The following PARD3B variants were observed in gnomAD, a reference collection of about 807,000 sequenced individuals.
PARD3B encodes par-3 family cell polarity regulator beta, also known as partitioning defective 3 homolog B.
Under a neutral mutation model 130.2 loss-of-function variants are expected in PARD3B, and 103 were observed. The ratio of observed to expected loss-of-function variants is 0.79; its 90% confidence interval spans 0.67 to 0.93. The LOEUF is 0.93. Ranked by LOEUF, PARD3B falls within the 40% of genes least tolerant of loss-of-function variation. The pLI, the probability that PARD3B is intolerant of heterozygous loss-of-function variation, is 0.00. For synonymous variants in PARD3B, 583 were observed against 553.2 expected, an observed-to-expected ratio of 1.05 and a Z score of -0.76; for missense variants, 1,609 against 1,499.2, an observed-to-expected ratio of 1.07 and a Z score of -1.21.
intron 16 of PARD3B, 85 bp downstream of exon 16, chr2:205,245,907 C>G: frequency 2.7e-6 from 3 of 1,113,630 alleles, no homozygotes; most frequent in East Asian, 2.4e-5. Context: ...CTGTTTCTAT[C>G]CACTAGTCAC....
intron 21 of PARD3B, among the ~76,000 whole-genome samples, chr2:205,552,806 G>C (rs73060157): frequency 7.8e-4 from 119 of 152,002 alleles, no homozygotes; most frequent in African/African-American, 2.7e-3. Flanking sequence ...TGGGATCCAG[G>C]GACAGAAAAA....
intron 1 of PARD3B, among the ~76,000 whole-genome samples, chr2:204,618,092 C>T (rs1181262152): frequency 6.6e-6 from 1 of 152,200 alleles, no homozygotes; most frequent in Non-Finnish European, 1.5e-5. Flanking sequence ...GTTATTTCTT[C>T]CAATGCCCAT....
At position 205,238,847 on chromosome 2, in the gene PARD3B, A is replaced by ATAT. The variant is rs1396676339; in HGVS notation, c.2141-6931_2141-6930insTAT. 3.0e-4 allele frequency among the ~76,000 whole-genome samples: 22 copies of ATAT among 73,572 alleles called. No homozygotes were observed. The South Asian group carries it at 3.1e-3, about 10-fold the overall frequency. 48.3% of individuals were successfully genotyped at this position (73,572 alleles called of 152,430 possible). A position where few individuals can be genotyped will look rare whatever the true frequency, so the allele number is the denominator to read the frequency against. ...AAAAACTCCGTTTCAAAAAAAAAAA[A>ATAT]AAATATATATATATATATATATATA... On this transcript the variant is annotated intron_variant, in intron 15 of 22. Transcript: ENST00000406610.
At position 204,635,769 on chromosome 2, in the gene PARD3B, C is replaced by T. The variant is rs148931607; in HGVS notation, c.121-50412C>T. Among the ~76,000 whole-genome samples the T allele has an allele frequency of 3.7e-3, 561 of 152,222 alleles. 2 individuals carry two copies. The highest frequency in any genetic ancestry group is 0.013 in the African/African-American group (536 of 41,518). On this transcript the variant is annotated intron_variant, in intron 1 of 22. Coordinates refer to ENST00000406610, the MANE Select transcript of PARD3B (RefSeq NM_001302769.2). Reference sequence around the variant, plus strand: ...GTAAAATGGGGATAATAATAATCTACCTCTCAAGCTTTGTATGGAAGATAA... The same window carrying T: ...GTAAAATGGGGATAATAATAATCTATCTCTCAAGCTTTGTATGGAAGATAA...
At chr2:205,389,134 A>T (rs1056252809) in intron 18 of PARD3B, among the ~76,000 whole-genome samples, 2 of 151,598 alleles carry the variant, frequency 1.3e-5, no homozygotes, top group African/African-American at 2.4e-5. Context: ...CAGGATATAA[A>T]TTTTTTTTTC....
At chr2:205,322,881 T>C (rs1467328733) in intron 18 of PARD3B, among the ~76,000 whole-genome samples, 1 of 144,226 alleles carries the variant, frequency 6.9e-6, no homozygotes, top group Non-Finnish European at 1.5e-5. Context: ...ATATCATTAT[T>C]AACACCTCTT....
intron 16 of PARD3B, among the ~76,000 whole-genome samples, chr2:205,299,612 C>A (rs971317779): frequency 6.9e-5 from 6 of 86,860 alleles, no homozygotes; most frequent in African/African-American, 2.5e-4. Context: ...ATTTATATAA[C>A]CTAATCCTGT....
intron 2 of PARD3B, among the ~76,000 whole-genome samples, chr2:204,785,933 G>A (rs1270933167): frequency 6.6e-6 from 1 of 151,904 alleles, no homozygotes; most frequent in Non-Finnish European, 1.5e-5. Flanking sequence ...CCAACATGGT[G>A]AAACCCCCAT....
Position 204,952,996 on chromosome 2 carries a change from C to CAA in PARD3B, c.223-12143_223-12142dup, listed in dbSNP as rs5837946. ...TGGGCGACAGTGCGAGACTCAGTCT[C>CAA]AAAAAAAAAAAAAAGGTATATATAT... On this transcript the variant is annotated intron_variant, in intron 2 of 22. Transcript: ENST00000406610. Among the ~76,000 whole-genome samples, 1,990 of 103,464 alleles carry CAA rather than the reference C, an allele frequency of 0.019. 126 individuals are homozygous for CAA. In the East Asian group the frequency reaches 0.2, roughly 10 times the overall value. The allele number at this position is 103,464 out of a possible 152,430, so 67.9% of individuals were successfully genotyped here. A position where few individuals can be genotyped will look rare whatever the true frequency, so the allele number is the denominator to read the frequency against.
intron 22 of PARD3B, among the ~76,000 whole-genome samples, chr2:205,559,161 C>A (rs1000837344): frequency 1.4e-4 from 21 of 152,182 alleles, no homozygotes; most frequent in African/African-American, 4.8e-4. Context: ...CCAAGTGTTG[C>A]TGGATGGTCT....
At position 205,176,196 on chromosome 2, in the gene PARD3B, T is replaced by C. The variant is rs941345513; in HGVS notation, c.1792-249T>C. Among the ~76,000 whole-genome samples the C allele has an allele frequency of 1.3e-5, 2 of 152,170 alleles. No individual in the cohort carries two copies. The highest frequency in any genetic ancestry group is 1.5e-5 in the Non-Finnish European group (1 of 68,018). ...AGTTATAAGTGGGAAAAGAGAATAA[T>C]AAAGTTAATCCTCTTTTGTGTTGGC... On this transcript the variant is annotated intron_variant, in intron 12 of 22. Coordinates refer to ENST00000406610, the MANE Select transcript of PARD3B (RefSeq NM_001302769.2). The surrounding 1 kb of genome is among the most constrained non-coding windows in gnomAD (Gnocchi z 5.3).
intron 18 of PARD3B, among the ~76,000 whole-genome samples, chr2:205,392,955 C>G: frequency 6.6e-6 from 1 of 151,982 alleles, no homozygotes; most frequent in East Asian, 1.9e-4. Flanking sequence ...CTTAGGGACC[C>G]CCAAAAAGGG....
chr2:204,693,958 T>A (rs1483565878), intron 2 of PARD3B, among the ~76,000 whole-genome samples: 1 of 152,078 alleles, frequency 6.6e-6, no homozygotes, highest in Non-Finnish European at 1.5e-5. Flanking sequence ...ATTTCCTAGC[T>A]GTTCAAATAA....
Position 205,592,618 on chromosome 2 carries a change from C to A in PARD3B, c.3261-22838C>A, listed in dbSNP as rs1248660262. ...GAATGTTTCCCATACAACTATAATG[C>A]CTGCGTTATATTTAAGGTTTTTCAT... On this transcript the variant is annotated intron_variant, in intron 22 of 22. Coordinates refer to ENST00000406610, the MANE Select transcript of PARD3B (RefSeq NM_001302769.2). The surrounding 1 kb of genome is among the most constrained non-coding windows in gnomAD (Gnocchi z 4.5). 6.6e-6 allele frequency among the ~76,000 whole-genome samples: 1 copy of A among 152,144 alleles called. No homozygotes were observed. Among genetic ancestry groups the A allele is most frequent in the African/African-American group, 2.4e-5 (1 of 41,432 alleles).
rs533060645 is a variant in PARD3B, at chr2:205,489,489, A to G, written c.3045-10407A>G. ...AGACTCTGCCTCTAAATATACATATATATGTGTGTATATATATATACGTAT... is the reference window on the plus strand; with the variant it reads ...AGACTCTGCCTCTAAATATACATATGTATGTGTGTATATATATATACGTAT... On this transcript the variant is annotated intron_variant, in intron 20 of 22. Coordinates refer to ENST00000406610, the MANE Select transcript of PARD3B (RefSeq NM_001302769.2). Among the ~76,000 whole-genome samples, 27 of 91,548 alleles carry G rather than the reference A, an allele frequency of 2.9e-4. 1 individual carries two copies. Among genetic ancestry groups the G allele is most frequent in the South Asian group, 7.8e-4 (2 of 2,576 alleles). 60.1% of individuals were successfully genotyped at this position (91,548 alleles called of 152,430 possible). A position where few individuals can be genotyped will look rare whatever the true frequency, so the allele number is the denominator to read the frequency against.
At chr2:204,711,830 G>A (rs113132416) in intron 2 of PARD3B, among the ~76,000 whole-genome samples, 311 of 152,252 alleles carry the variant, frequency 2.0e-3, no homozygotes, top group African/African-American at 7.0e-3. Flanking sequence ...TTACAGACGT[G>A]AGCCATTGTA....
intron 3 of PARD3B, among the ~76,000 whole-genome samples, chr2:204,969,899 T>G (rs554765826): frequency 6.6e-6 from 1 of 152,068 alleles, no homozygotes. Flanking sequence ...TGCTTCTGTC[T>G]TCTTATCTTC....
At chr2:204,958,413 G>T (rs549947574) in intron 2 of PARD3B, among the ~76,000 whole-genome samples, 4 of 152,316 alleles carry the variant, frequency 2.6e-5, no homozygotes, top group Admixed American at 6.5e-5. Context: ...ACCATGTACT[G>T]CTAGGCAGAA....
At chr2:205,099,258 A>G (rs1385624802) in intron 4 of PARD3B, among the ~76,000 whole-genome samples, 3 of 152,208 alleles carry the variant, frequency 2.0e-5, no homozygotes, top group African/African-American at 7.2e-5. Flanking sequence ...AGAGCGTCCA[A>G]AACCATTATG....
Sources: gnomAD v4.1 joint callset for allele counts (sites outside exome capture counted in the v4.1 genomes callset) on GRCh38, gnomAD v4.1.1 for gene constraint, Gnocchi (gnomAD v3.1) non-coding constraint, MANE v1.5 for transcripts, NCBI Gene and HGNC (gene_info 2026-07-23, HGNC 2026-07-21) for gene names.